Variants in STK39 observed in about 807,000 individuals in gnomAD.
The protein encoded by STK39 is STE20/SPS1-related proline-alanine-rich protein kinase.
A neutral mutation model predicts 77.8 loss-of-function variants in STK39; 20 were observed. The observed-to-expected ratio is 0.26, with a 90% CI of 0.18 to 0.37. The LOEUF (loss-of-function observed/expected upper bound fraction) is 0.37, where lower values mean the gene tolerates loss of function less well. Ranked by LOEUF, STK39 falls within the 10% of genes least tolerant of loss-of-function variation. STK39 has a pLI of 1.00. For missense variants in STK39, 479 were observed against 656.5 expected (o/e 0.73, Z 2.95); for synonymous variants, 246 against 234.1 (o/e 1.05, Z -0.47).
chr2:168,114,813 A>G (rs1035904407), intron 10 of STK39, among the ~76,000 whole-genome samples: 3 of 152,144 alleles, frequency 2.0e-5, no homozygotes, highest in African/African-American at 7.2e-5. Context: ...CCAGGGGATG[A>G]TGAAAACGGC....
intron 14 of STK39, among the ~76,000 whole-genome samples, chr2:168,025,951 T>G (rs1684688179): frequency 6.6e-6 from 1 of 152,140 alleles, no homozygotes; most frequent in African/African-American, 2.4e-5. Flanking sequence ...AGCAATGACA[T>G]TCAGTAAGCC....
chr2:168,100,347 T>C (rs1686788724), intron 10 of STK39, among the ~76,000 whole-genome samples: 1 of 152,138 alleles, frequency 6.6e-6, no homozygotes, highest in Non-Finnish European at 1.5e-5. Context: ...GGATCTGGGT[T>C]CTAGTTTAGC....
chr2:168,213,630 G>A (rs1010729625), intron 1 of STK39, among the ~76,000 whole-genome samples: 1 of 148,948 alleles, frequency 6.7e-6, no homozygotes, highest in Non-Finnish European at 1.5e-5. Context: ...AGGTTGCAGT[G>A]AGCCAAGATC....
intron 14 of STK39, among the ~76,000 whole-genome samples, chr2:168,060,532 T>C (rs1409663577): frequency 1.3e-5 from 2 of 152,200 alleles, no homozygotes; most frequent in African/African-American, 2.4e-5. Context: ...TACATTTCTG[T>C]TGTTTCAGCC....
chr2:168,031,716 A>G (rs908882001), intron 14 of STK39, among the ~76,000 whole-genome samples: 9 of 152,182 alleles, frequency 5.9e-5, no homozygotes, highest in African/African-American at 2.2e-4. Flanking sequence ...AGCCATAGAG[A>G]GAGACTTCAG....
chr2:168,233,437 A>AT (rs1037383058), intron 1 of STK39, among the ~76,000 whole-genome samples: 7 of 152,140 alleles, frequency 4.6e-5, no homozygotes, highest in Non-Finnish European at 8.8e-5. Context: ...CCCTACACAG[A>AT]TTTTTTTCCC....
intron 1 of STK39, among the ~76,000 whole-genome samples, chr2:168,189,089 C>CA (rs1446617154): frequency 1.3e-5 from 2 of 151,746 alleles, no homozygotes; most frequent in African/African-American, 4.8e-5. Flanking sequence ...TAGAGCTTAC[C>CA]AAAAAAATAA....
intron 10 of STK39, among the ~76,000 whole-genome samples, chr2:168,101,792 A>AT (rs1161856129): frequency 3.9e-5 from 6 of 152,184 alleles, no homozygotes; most frequent in Non-Finnish European, 7.4e-5. Flanking sequence ...TTATTGAGAG[A>AT]TAATCCACCG....
intron 10 of STK39, among the ~76,000 whole-genome samples, chr2:168,127,399 T>C (rs933514209): frequency 6.6e-6 from 1 of 152,214 alleles, no homozygotes; most frequent in Admixed American, 6.5e-5. Context: ...TTCACCTGCC[T>C]CGGCCTCCCA....
intron 14 of STK39, among the ~76,000 whole-genome samples, chr2:168,054,984 G>A (rs1160035279): frequency 6.6e-6 from 1 of 152,220 alleles, no homozygotes; most frequent in Non-Finnish European, 1.5e-5. Flanking sequence ...CCGCCTACAT[G>A]GTAAGCTCTC....
Position 168,086,217 on chromosome 2 carries a change from T to C in STK39, c.1090-10986A>G, listed in dbSNP as rs974964581. Among the ~76,000 whole-genome samples, 7 of 152,198 alleles carry C rather than the reference T, an allele frequency of 4.6e-5. 1 individual carries two copies. Among genetic ancestry groups the C allele is most frequent in the Non-Finnish European group, 1.0e-4 (7 of 68,042 alleles). ...TTCTTTGAAAATTAATAGGTCGTATTTGGCAGCCCTTGTCATACCAGATAA... is the reference window on the plus strand; with the variant it reads ...TTCTTTGAAAATTAATAGGTCGTATCTGGCAGCCCTTGTCATACCAGATAA... On this transcript the variant is annotated intron_variant, in intron 10 of 17. Transcript: ENST00000355999.
chr2:168,167,740 C>T (rs1021847010), intron 2 of STK39, among the ~76,000 whole-genome samples: 6 of 152,122 alleles, frequency 3.9e-5, no homozygotes, highest in African/African-American at 7.2e-5. Context: ...ATACCTGAAC[C>T]GAAGGCTTGA....
intron 1 of STK39, among the ~76,000 whole-genome samples, chr2:168,233,325 T>C (rs1574579313): frequency 2.0e-5 from 3 of 152,300 alleles, no homozygotes; most frequent in Middle Eastern, 6.8e-3. Flanking sequence ...AGGGATTACA[T>C]AGTAAAACAT....
chr2:168,164,427 G>A (rs1332393735), intron 3 of STK39, among the ~76,000 whole-genome samples: 2 of 151,898 alleles, frequency 1.3e-5, no homozygotes, highest in Non-Finnish European at 2.9e-5. Flanking sequence ...TTTTATTTGA[G>A]ACAGAGTCTG....
At chr2:167,994,301 C>T (rs1480943647) in intron 16 of STK39, among the ~76,000 whole-genome samples, 1 of 151,874 alleles carries the variant, frequency 6.6e-6, no homozygotes, top group Admixed American at 6.6e-5. Flanking sequence ...ACTGAGTATA[C>T]AGAAAATAAT....
intron 14 of STK39, among the ~76,000 whole-genome samples, chr2:168,048,571 T>A (rs1685311107): frequency 6.6e-6 from 1 of 152,162 alleles, no homozygotes; most frequent in African/African-American, 2.4e-5. Flanking sequence ...TCATGAATAT[T>A]GGACCAAACT....
chr2:168,115,852 G>A (rs192773295), intron 10 of STK39, among the ~76,000 whole-genome samples: 6 of 152,252 alleles, frequency 3.9e-5, no homozygotes, highest in African/African-American at 1.4e-4. Context: ...GAGAACTGAG[G>A]GTGGAGAATG....
intron 10 of STK39, among the ~76,000 whole-genome samples, chr2:168,124,127 C>A (rs900113381): frequency 1.3e-5 from 2 of 152,128 alleles, no homozygotes; most frequent in Non-Finnish European, 2.9e-5. Context: ...CGATGTGATA[C>A]CCTTTACCTC....
At chr2:168,232,333 T>G (rs1186468128) in intron 1 of STK39, 1 of 153,752 alleles carries the variant, frequency 6.5e-6, no homozygotes, top group African/African-American at 2.4e-5. Context: ...ATATGATTAA[T>G]TGAAGGTCAG....
Sources: gnomAD v4.1 joint callset for allele counts (sites outside exome capture counted in the v4.1 genomes callset) on GRCh38, gnomAD v4.1.1 for gene constraint, MANE v1.5 for transcripts, NCBI Gene and HGNC (gene_info 2026-07-23, HGNC 2026-07-21) for gene names.